FAM135A: variants seen among roughly 807,000 people sequenced by gnomAD.
FAM135A encodes protein FAM135A.
Under a neutral mutation model 146.8 loss-of-function variants are expected in FAM135A, and 79 were observed. The ratio of observed to expected loss-of-function variants is 0.54; its 90% CI spans 0.45 to 0.65. The LOEUF is 0.65. FAM135A is among the 30% of genes least tolerant of loss of function. The probability of loss-of-function intolerance (pLI) is 0.00; values close to 1 mark genes in which losing one functional copy is unlikely to be tolerated. For synonymous variants in FAM135A, 562 were observed against 603.6 expected (o/e 0.93, Z 1.01); for missense variants, 1,623 against 1,758.2 (o/e 0.92, Z 1.38).
chr6:70,500,321 C>T (rs1042499050), intron 11 of FAM135A, among the ~76,000 whole-genome samples: 2 of 152,056 alleles, frequency 1.3e-5, no homozygotes, highest in Non-Finnish European at 2.9e-5. Flanking sequence ...GTTGTTTTTT[C>T]AACTCCATTG....
At position 70,525,000 on chromosome 6, in the gene FAM135A, C is replaced by A; in HGVS notation, c.1916C>A (p.Ser639Ter). Residue 639 changes from serine (S) to a stop codon, truncating the protein, a stop_gained, in exon 15 of 22, where the codon TCA becomes TAA. Transcript: ENST00000418814. LOFTEE classifies it high-confidence loss of function. ...GAACACAATCTGGCATCCAGAAGGTCATCAGACGATTGCCATGATCATCAA... is the reference window on the plus strand; with the variant it reads ...GAACACAATCTGGCATCCAGAAGGTAATCAGACGATTGCCATGATCATCAA... The part of the protein sequence containing the change: ...QMEHNLASRR[S>*]SDDCHDHQTT... The A allele has an allele frequency of 6.2e-7, 1 of 1,601,368 alleles. No individual in the cohort carries two copies. Among genetic ancestry groups the A allele is most frequent in the South Asian group, 1.1e-5 (1 of 87,974 alleles).
At chr6:70,549,214 C>T (rs1029125796) in intron 20 of FAM135A, among the ~76,000 whole-genome samples, 1 of 151,880 alleles carries the variant, frequency 6.6e-6, no homozygotes, top group Non-Finnish European at 1.5e-5. Flanking sequence ...TTTTTATGTC[C>T]TCTCCCTTCT....
intron 5 of FAM135A, among the ~76,000 whole-genome samples, chr6:70,459,366 A>G (rs1309404124): frequency 6.6e-6 from 1 of 152,198 alleles, no homozygotes; most frequent in Non-Finnish European, 1.5e-5. Context: ...TATACAGCTT[A>G]TTGCCATACA....
intron 11 of FAM135A, among the ~76,000 whole-genome samples, chr6:70,494,433 G>A (rs1786758640): frequency 6.6e-6 from 1 of 151,052 alleles, no homozygotes; most frequent in Admixed American, 6.6e-5. Context: ...AAATGAGACT[G>A]TATTCATACC....
intron 4 of FAM135A, among the ~76,000 whole-genome samples, chr6:70,436,265 A>G (rs542416235): frequency 6.6e-5 from 10 of 152,220 alleles, no homozygotes; most frequent in African/African-American, 2.2e-4. Context: ...AACTACCTCA[A>G]ATTTTTCATA....
chr6:70,485,018 A>C (rs1784362873), intron 10 of FAM135A, among the ~76,000 whole-genome samples: 1 of 152,216 alleles, frequency 6.6e-6, no homozygotes, highest in African/African-American at 2.4e-5. Context: ...TTACAGAATG[A>C]ATGTCAACTT....
Position 70,560,212 on chromosome 6 carries a change from T to C in FAM135A, c.*291T>C, listed in dbSNP as rs1044554944. 3 of 256,922 alleles carry C rather than the reference T, an allele frequency of 1.2e-5. No individual in the cohort carries two copies. Among genetic ancestry groups the C allele is most frequent in the Non-Finnish European group, 2.2e-5 (3 of 134,100 alleles). The allele number at this position is 256,922 out of a possible 1,614,324, so 15.9% of individuals were successfully genotyped here. A position where few individuals can be genotyped will look rare whatever the true frequency, so the allele number is the denominator to read the frequency against. ...ACTTTAAGCCCATACCTGTGTCTGA[T>C]TGTTTATTATTGGCTTTCCACAATT... On this transcript the variant is annotated 3_prime_UTR_variant, in exon 22 of 22. Coordinates refer to ENST00000418814, the MANE Select transcript of FAM135A (RefSeq NM_001162529.3).
At chr6:70,542,787 C>T (rs1428677984) in intron 20 of FAM135A, among the ~76,000 whole-genome samples, 1 of 152,098 alleles carries the variant, frequency 6.6e-6, no homozygotes, top group Non-Finnish European at 1.5e-5. Context: ...TGTATGTCTT[C>T]TTTGGCCGCC....
intron 20 of FAM135A, among the ~76,000 whole-genome samples, chr6:70,538,843 A>G (rs1185874684): frequency 6.9e-6 from 1 of 145,162 alleles, no homozygotes; most frequent in East Asian, 1.9e-4. Context: ...ATATTATATT[A>G]TATTATATTA....
intron 21 of FAM135A, among the ~76,000 whole-genome samples, chr6:70,558,153 C>T (rs754984517): frequency 2.0e-5 from 3 of 152,188 alleles, no homozygotes; most frequent in Non-Finnish European, 4.4e-5. Flanking sequence ...CAAATCCAAC[C>T]TGACTCAAAA....
Position 70,442,238 on chromosome 6 carries a change from G to GTTTTT in FAM135A, c.78-10254_78-10253insTTTTT, listed in dbSNP as rs147268217. Among the ~76,000 whole-genome samples, 22 of 136,400 alleles carry GTTTTT rather than the reference G, an allele frequency of 1.6e-4. 1 individual carries two copies. Among genetic ancestry groups the GTTTTT allele is most frequent in the African/African-American group, 4.5e-4 (16 of 35,522 alleles). 89.5% of individuals were successfully genotyped at this position (136,400 alleles called of 152,430 possible). ...CATAAATATTTAAAATTTCTTCATG[G>GTTTTT]GTTTTTTTTTTTTTTTTTTGCCGAG... On this transcript the variant is annotated intron_variant, in intron 4 of 21. Coordinates refer to ENST00000418814, the MANE Select transcript of FAM135A (RefSeq NM_001162529.3).
chr6:70,413,669 G>A lies in FAM135A; in HGVS notation c.-253G>A. The A allele has an allele frequency of 2.7e-6, 1 of 376,336 alleles. No individual in the cohort carries two copies. The highest frequency in any genetic ancestry group is 3.7e-6 in the Non-Finnish European group (1 of 272,602). The allele number at this position is 376,336 out of a possible 1,614,324, so 23.3% of individuals were successfully genotyped here. A position where few individuals can be genotyped will look rare whatever the true frequency, so the allele number is the denominator to read the frequency against. Reference sequence around the variant, plus strand: ...AGCTGGACAACGAGCTCCTCCGTTCGACAGGCGGGGGAAGAGGCCGAGCCG... The same window carrying A: ...AGCTGGACAACGAGCTCCTCCGTTCAACAGGCGGGGGAAGAGGCCGAGCCG... On this transcript the variant is annotated 5_prime_UTR_variant, in exon 1 of 22. Coordinates refer to ENST00000418814, the MANE Select transcript of FAM135A (RefSeq NM_001162529.3).
intron 16 of FAM135A, among the ~76,000 whole-genome samples, chr6:70,529,227 T>C (rs985143910): frequency 2.6e-5 from 4 of 151,998 alleles, no homozygotes; most frequent in African/African-American, 9.7e-5. Flanking sequence ...GGTACCTGGC[T>C]TTAGTGCTGG....
In FAM135A at chr6:70,424,841, A is replaced by G. The variant is rs73474957; in HGVS notation, c.-133-1598A>G. Among the ~76,000 whole-genome samples, 620 of 152,232 alleles carry G rather than the reference A, an allele frequency of 4.1e-3. 3 individuals are homozygous for G. The highest frequency in any genetic ancestry group is 0.014 in the African/African-American group (600 of 41,532). On this transcript the variant is annotated intron_variant, in intron 2 of 21. Coordinates refer to ENST00000418814, the MANE Select transcript of FAM135A (RefSeq NM_001162529.3). ...TGCAGATTATTGTAGGCAACAGTTT[A>G]ATCAATTGTTTTATTTCCACATAAC...
intron 16 of FAM135A, among the ~76,000 whole-genome samples, chr6:70,528,767 G>A (rs1402055566): frequency 6.6e-6 from 1 of 151,626 alleles, no homozygotes; most frequent in Non-Finnish European, 1.5e-5. Flanking sequence ...TTGTTACATA[G>A]GTATACACGT....
intron 20 of FAM135A, among the ~76,000 whole-genome samples, chr6:70,541,631 C>A (rs1797940528): frequency 6.6e-6 from 1 of 152,090 alleles, no homozygotes; most frequent in African/African-American, 2.4e-5. Flanking sequence ...ATTCCATATC[C>A]ATCTTTACCA....
At chr6:70,464,688 C>T (rs1300174181) in intron 5 of FAM135A, among the ~76,000 whole-genome samples, 1 of 111,836 alleles carries the variant, frequency 8.9e-6, no homozygotes, top group Non-Finnish European at 1.7e-5. Context: ...TTTTTTGAGA[C>T]AGTCTCACTT....
chr6:70,528,478 C>G (rs1446222168), intron 16 of FAM135A, 26 bp downstream of exon 16: 1 of 1,466,412 alleles, frequency 6.8e-7, no homozygotes, highest in South Asian at 1.6e-5. Flanking sequence ...GGATGTAACC[C>G]AGAGCAACTC....
chr6:70,553,479 A>G (rs1800228072), intron 20 of FAM135A, among the ~76,000 whole-genome samples: 2 of 152,142 alleles, frequency 1.3e-5, no homozygotes, highest in African/African-American at 2.4e-5. Flanking sequence ...GTTACAGACT[A>G]CTTAGCTAAA....
Sources: gnomAD v4.1 joint callset for allele counts (sites outside exome capture counted in the v4.1 genomes callset) on GRCh38, gnomAD v4.1.1 for gene constraint, MANE v1.5 for transcripts, NCBI Gene and HGNC (gene_info 2026-07-23, HGNC 2026-07-21) for gene names.